Variants in DGKI observed in about 807,000 individuals in gnomAD.
DGKI encodes DAG kinase iota.
Under a neutral mutation model 147.5 loss-of-function variants are expected in DGKI, and 55 were observed. The ratio of observed to expected loss-of-function variants is 0.37; its 90% CI spans 0.30 to 0.47. The LOEUF (loss-of-function observed/expected upper bound fraction) is 0.47, where lower values mean the gene tolerates loss of function less well. DGKI is among the 20% of genes least tolerant of loss of function. The pLI is 1.00. For missense variants in DGKI, 1,007 were observed against 1,323.8 expected (o/e 0.76, Z 3.71); for synonymous variants, 469 against 477.1 (o/e 0.98, Z 0.22).
At chr7:137,707,498 G>A (rs1794075146) in intron 1 of DGKI, among the ~76,000 whole-genome samples, 1 of 152,168 alleles carries the variant, frequency 6.6e-6, no homozygotes, top group Admixed American at 6.5e-5. Flanking sequence ...GGGCCTGGTG[G>A]GAGGTGACTG....
Position 137,487,701 on chromosome 7 carries a change from G to A in DGKI, c.2249-12C>T. 6.2e-7 allele frequency: 1 copy of A among 1,609,920 alleles called. No homozygotes were observed. The highest frequency in any genetic ancestry group is 1.1e-5 in the South Asian group (1 of 90,586). On this transcript the variant is annotated splice_polypyrimidine_tract_variant and intron_variant, in intron 21 of 32. Transcript: ENST00000614521. The stretch of plus-strand genomic sequence containing the variant: ...ACCCAGAGGTATCGCTAAGGGTGAA[G>A]GAAGAAGAAAAATCTAAAATAACAT...
intron 1 of DGKI, among the ~76,000 whole-genome samples, chr7:137,762,868 A>G (rs947820333): frequency 2.9e-4 from 44 of 152,324 alleles, no homozygotes; most frequent in Admixed American, 2.8e-3. Context: ...GTTCCAGACA[A>G]ATAGGGAATT....
intron 28 of DGKI, among the ~76,000 whole-genome samples, chr7:137,424,024 C>A (rs1472100203): frequency 2.0e-5 from 3 of 152,122 alleles, no homozygotes; most frequent in Non-Finnish European, 4.4e-5. Flanking sequence ...TAGACCCACC[C>A]CTACTGGGTT....
At position 137,780,400 on chromosome 7, in the gene DGKI, C is replaced by T. The variant is rs148362032; in HGVS notation, c.401+66062G>A. 2.9e-4 allele frequency among the ~76,000 whole-genome samples: 44 copies of T among 152,236 alleles called. No homozygotes were observed. In the East Asian group the frequency reaches 7.7e-3, roughly 27 times the overall value. The stretch of plus-strand genomic sequence containing the variant: ...TCTGCATCTCAGAAAGAGGTCTGGG[C>T]TACAAAGACAAATTTGGCAGTCATG... On this transcript the variant is annotated intron_variant, in intron 1 of 32. Transcript: ENST00000614521.
At chr7:137,586,476 T>C (rs1819401699) in intron 13 of DGKI, among the ~76,000 whole-genome samples, 1 of 152,104 alleles carries the variant, frequency 6.6e-6, no homozygotes, top group African/African-American at 2.4e-5. Context: ...TATGCATATG[T>C]ATATATACAC....
rs148826509 is a variant in DGKI at position 137,525,452 on chromosome 7, C to G, written c.2148-3486G>C. On this transcript the variant is annotated intron_variant, in intron 20 of 32. Transcript: ENST00000614521. The stretch of plus-strand genomic sequence containing the variant: ...GACCCCAGGGTCAATAATGGTAAAC[C>G]TTCTCGAATCATTTGCAACCCTGGT... 7.8e-3 allele frequency among the ~76,000 whole-genome samples: 1,189 copies of G among 152,214 alleles called. 21 individuals carry two copies. The highest frequency in any genetic ancestry group is 0.027 in the African/African-American group (1,120 of 41,534).
intron 1 of DGKI, among the ~76,000 whole-genome samples, chr7:137,733,976 A>G (rs1794954597): frequency 1.3e-5 from 2 of 152,096 alleles, no homozygotes; most frequent in African/African-American, 4.8e-5. Context: ...TATCTGAAAC[A>G]AGTCTCTTCA....
intron 2 of DGKI, among the ~76,000 whole-genome samples, chr7:137,683,353 ACT>A (rs1387288885): frequency 7.4e-6 from 1 of 135,596 alleles, no homozygotes; most frequent in Non-Finnish European, 1.6e-5. Flanking sequence ...TATCCTTGTC[ACT>A]CTTTTTGTTT....
At chr7:137,418,365 C>T (rs1559540) in intron 28 of DGKI, among the ~76,000 whole-genome samples, 80,795 of 152,024 alleles carry the variant, frequency 0.53, 22,639 homozygotes, top group Non-Finnish European at 0.63. Flanking sequence ...GCAGGGAGAA[C>T]TGATGTTTTT....
chr7:137,736,962 T>G (rs952757891), intron 1 of DGKI, among the ~76,000 whole-genome samples: 1 of 152,068 alleles, frequency 6.6e-6, no homozygotes, highest in African/African-American at 2.4e-5. Flanking sequence ...TTGTTATCTC[T>G]TATAAGCCAG....
intron 19 of DGKI, among the ~76,000 whole-genome samples, chr7:137,559,028 T>A (rs2128969791): frequency 6.6e-6 from 1 of 151,344 alleles, no homozygotes; most frequent in East Asian, 1.9e-4. Context: ...CTTTCAGAAC[T>A]AGCGTTTTAT....
At chr7:137,445,357 TAC>T (rs977096197) in intron 27 of DGKI, among the ~76,000 whole-genome samples, 3 of 152,172 alleles carry the variant, frequency 2.0e-5, no homozygotes, top group Non-Finnish European at 2.9e-5. Context: ...TCATGAAAAC[TAC>T]AGAGTCCCAA....
intron 30 of DGKI, among the ~76,000 whole-genome samples, chr7:137,404,604 A>T (rs1195277840): frequency 1.3e-5 from 2 of 152,188 alleles, no homozygotes; most frequent in South Asian, 2.1e-4. Context: ...GATCCTGGTG[A>T]GGCAGGAAAG....
intron 6 of DGKI, among the ~76,000 whole-genome samples, chr7:137,624,123 G>A (rs1820849334): frequency 6.6e-6 from 1 of 152,150 alleles, no homozygotes; most frequent in African/African-American, 2.4e-5. Flanking sequence ...TTCTTTACCA[G>A]GAAGCAACGA....
chr7:137,648,380 T>C (rs114596738), intron 5 of DGKI, among the ~76,000 whole-genome samples: 318 of 152,348 alleles, frequency 2.1e-3, no homozygotes, highest in African/African-American at 7.5e-3. Context: ...GCCAACACTG[T>C]CCATAAATCA....
rs1554421311 is a variant in DGKI at position 137,517,337 on chromosome 7, A to AAGAAAGAG, written c.2248+4528_2248+4529insCTCTTTCT. On this transcript the variant is annotated intron_variant, in intron 21 of 32. Transcript: ENST00000614521. ...AAAGAAAGAAAGAAAGAAAGAAAGA[A>AAGAAAGAG]AGAGAAAGAAAGAAAGAAGGAAAGA... is the stretch of plus-strand genomic sequence containing the variant. 1.5e-3 allele frequency among the ~76,000 whole-genome samples: 171 copies of AAGAAAGAG among 116,770 alleles called. 4 individuals carry two copies. Among genetic ancestry groups the AAGAAAGAG allele is most frequent in the East Asian group, 9.8e-3 (35 of 3,588 alleles). 76.6% of individuals were successfully genotyped at this position (116,770 alleles called of 152,430 possible). A position where few individuals can be genotyped will look rare whatever the true frequency, so the allele number is the denominator to read the frequency against.
chr7:137,626,322 GACACACACACACACACACACAC>G (rs111591226), intron 6 of DGKI, among the ~76,000 whole-genome samples: 4 of 139,048 alleles, frequency 2.9e-5, no homozygotes, highest in African/African-American at 8.0e-5. Context: ...AAGTGCTTCT[GACACACACACACACACACACAC>G]ACACACACAC....
At chr7:137,423,673 C>A (rs949960970) in intron 28 of DGKI, among the ~76,000 whole-genome samples, 7 of 151,870 alleles carry the variant, frequency 4.6e-5, no homozygotes, top group African/African-American at 1.7e-4. Flanking sequence ...GCTTTTTAAA[C>A]CAAAAAGAAG....
At chr7:137,397,906 A>T (rs1811610688) in intron 30 of DGKI, among the ~76,000 whole-genome samples, 1 of 152,224 alleles carries the variant, frequency 6.6e-6, no homozygotes, top group African/African-American at 2.4e-5. Context: ...AATACTATGC[A>T]TATACATCAA....
Sources: allele counts gnomAD v4.1 joint callset (sites outside exome capture counted in the v4.1 genomes callset), GRCh38; gene constraint gnomAD v4.1.1; transcripts MANE v1.5; gene names NCBI Gene and HGNC (gene_info 2026-07-23, HGNC 2026-07-21).